EHBP1: variants seen among roughly 807,000 people sequenced by gnomAD.
EHBP1 encodes EH domain-binding protein 1.
In EHBP1, 55 loss-of-function variants were observed where a neutral mutation model predicts 144.0. The observed-to-expected ratio is 0.38, with a 90% confidence interval of 0.31 to 0.48. The LOEUF is 0.48. Ranked by LOEUF, EHBP1 falls within the 20% of genes least tolerant of loss-of-function variation. The pLI is 0.98. For synonymous variants in EHBP1, 469 were observed against 472.7 expected, an observed-to-expected ratio of 0.99 and a Z score of 0.10; for missense variants, 1,200 against 1,364.2, an observed-to-expected ratio of 0.88 and a Z score of 1.90.
At chr2:62,763,840 TAC>T (rs2040956486) in intron 3 of EHBP1, among the ~76,000 whole-genome samples, 1 of 152,198 alleles carries the variant, frequency 6.6e-6, no homozygotes, top group African/African-American at 2.4e-5. Context: ...TGCAAAGTTA[TAC>T]AGTTAGTTTT....
At chr2:62,863,977 G>T (rs1407852580) in intron 8 of EHBP1, among the ~76,000 whole-genome samples, 1 of 150,540 alleles carries the variant, frequency 6.6e-6, no homozygotes, top group Non-Finnish European at 1.5e-5. Context: ...CTCCTGAGTA[G>T]CTGGGATTGC....
chr2:62,887,870 G>T (rs1227811363), intron 10 of EHBP1, among the ~76,000 whole-genome samples: 1 of 152,140 alleles, frequency 6.6e-6, no homozygotes, highest in African/African-American at 2.4e-5. Context: ...GGCTGTCGAA[G>T]TTGAATAGTT....
intron 10 of EHBP1, among the ~76,000 whole-genome samples, chr2:62,921,072 A>G (rs1369894522): frequency 1.3e-5 from 2 of 152,206 alleles, no homozygotes; most frequent in South Asian, 2.1e-4. Context: ...TGATGGAGCT[A>G]TTAGAAGAGA....
chr2:62,891,372 G>A (rs1407274085), intron 10 of EHBP1, among the ~76,000 whole-genome samples: 1 of 151,956 alleles, frequency 6.6e-6, no homozygotes, highest in Non-Finnish European at 1.5e-5. Context: ...CTTTTTGTTT[G>A]GCACTGTTTT....
At chr2:62,897,019 A>G (rs1259494989) in intron 10 of EHBP1, among the ~76,000 whole-genome samples, 4 of 152,174 alleles carry the variant, frequency 2.6e-5, no homozygotes, top group African/African-American at 9.7e-5. Flanking sequence ...ACATAAAAAG[A>G]TATACATGGG....
At chr2:62,872,078 A>G (rs1322347494) in intron 9 of EHBP1, 1 of 152,154 alleles carries the variant, frequency 6.6e-6, no homozygotes, top group Non-Finnish European at 1.5e-5. Flanking sequence ...TGTTTTTCCA[A>G]AGAAACATAG....
chr2:63,022,792 T>C (rs2060812048), intron 19 of EHBP1, among the ~76,000 whole-genome samples: 1 of 152,212 alleles, frequency 6.6e-6, no homozygotes, highest in African/African-American at 2.4e-5. Flanking sequence ...ATGTGAAAAG[T>C]ATTCATGCAC....
chr2:62,698,713 A>G (rs561538771), intron 1 of EHBP1, among the ~76,000 whole-genome samples: 18 of 152,308 alleles, frequency 1.2e-4, no homozygotes, highest in African/African-American at 4.3e-4. Flanking sequence ...CCCAGTCACT[A>G]ATTGGGTGAC....
At chr2:62,808,926 C>A (rs933148712) in intron 5 of EHBP1, among the ~76,000 whole-genome samples, 1 of 152,142 alleles carries the variant, frequency 6.6e-6, no homozygotes, top group Non-Finnish European at 1.5e-5. Flanking sequence ...TCTCTTCTCC[C>A]AGGTTAGACT....
chr2:62,811,764 G>A (rs1311822248), intron 5 of EHBP1, among the ~76,000 whole-genome samples: 3 of 152,182 alleles, frequency 2.0e-5, no homozygotes, highest in African/African-American at 7.2e-5. Flanking sequence ...TTTGATTCTT[G>A]AGTCAGTAGA....
At chr2:62,754,471 C>T (rs1156913198) in intron 3 of EHBP1, among the ~76,000 whole-genome samples, 10 of 152,202 alleles carry the variant, frequency 6.6e-5, no homozygotes, top group Non-Finnish European at 1.2e-4. Flanking sequence ...TCTGTCTGTT[C>T]TCAGATCTCA....
At chr2:62,876,037 G>A (rs2050865225) in intron 10 of EHBP1, among the ~76,000 whole-genome samples, 1 of 152,152 alleles carries the variant, frequency 6.6e-6, no homozygotes, top group South Asian at 2.1e-4. Context: ...GGGAGAGAGA[G>A]CAAGCAACTT....
chr2:62,809,746 T>G (rs1412058593), intron 5 of EHBP1, among the ~76,000 whole-genome samples: 3 of 152,226 alleles, frequency 2.0e-5, no homozygotes, highest in Admixed American at 2.0e-4. Context: ...AGTGAGTACA[T>G]GCAGTATTTG....
At chr2:63,005,891 G>A (rs2060017218) in intron 19 of EHBP1, among the ~76,000 whole-genome samples, 1 of 151,888 alleles carries the variant, frequency 6.6e-6, no homozygotes, top group South Asian at 2.1e-4. Flanking sequence ...ATTCTAACAT[G>A]CCTAAAATAC....
chr2:62,808,226 T>C (rs1042967275), intron 5 of EHBP1, among the ~76,000 whole-genome samples: 6 of 151,648 alleles, frequency 4.0e-5, no homozygotes, highest in Non-Finnish European at 5.9e-5. Flanking sequence ...TCCTTTTTTT[T>C]TTTTTTTCCT....
Position 63,045,408 on chromosome 2 carries a change from A to G in EHBP1, c.3393-2A>G, listed in dbSNP as rs1346353452. The G allele has an allele frequency of 6.2e-7, 1 of 1,613,940 alleles. No homozygotes were observed. The highest frequency in any genetic ancestry group is 8.5e-7 in the Non-Finnish European group (1 of 1,179,788). ...TGTTTGTCCTGTTTGTCTGACATCC[A>G]GGGCCGAAGAAGAAGATGAGCATTT... On this transcript the variant is annotated splice_acceptor_variant, in intron 22 of 22. Coordinates refer to ENST00000431489, the MANE Select transcript of EHBP1 (RefSeq NM_001142616.3). LOFTEE classifies it high-confidence loss of function. The surrounding 1 kb of genome is among the most constrained non-coding windows in gnomAD (Gnocchi z 5.7).
intron 10 of EHBP1, among the ~76,000 whole-genome samples, chr2:62,894,923 A>AGAGAGAGAGAGAGAG (rs1558871653): frequency 1.9e-5 from 1 of 53,142 alleles, no homozygotes; most frequent in Non-Finnish European, 3.9e-5. Flanking sequence ...CAAAAACAGA[A>AGAGAGAGAGAGAGAG]AGAAAGAGAG....
intron 1 of EHBP1, among the ~76,000 whole-genome samples, chr2:62,677,241 A>G (rs1289080571): frequency 1.3e-5 from 2 of 152,220 alleles, no homozygotes. Flanking sequence ...AAAACAGTAG[A>G]TGAATACAGC....
intron 7 of EHBP1, among the ~76,000 whole-genome samples, chr2:62,832,344 C>T (rs921911709): frequency 5.3e-5 from 8 of 151,210 alleles, no homozygotes; most frequent in South Asian, 2.1e-4. Context: ...TTCTATTTGT[C>T]GCATTCATCA....
Sources: gnomAD v4.1 joint callset for allele counts (sites outside exome capture counted in the v4.1 genomes callset) on GRCh38, gnomAD v4.1.1 for gene constraint, Gnocchi (gnomAD v3.1) non-coding constraint, MANE v1.5 for transcripts, NCBI Gene and HGNC (gene_info 2026-07-23, HGNC 2026-07-21) for gene names.